FAAH2: variants seen among roughly 807,000 people sequenced by gnomAD.
The protein encoded by FAAH2 is fatty-acid amide hydrolase 2.
In FAAH2, 60 loss-of-function variants were observed where a neutral mutation model predicts 36.9. The observed-to-expected ratio is 1.63, with a 90% CI of 1.32 to 2.02. FAAH2 has a LOEUF of 2.02. Among genes scored for constraint, FAAH2 ranks in the 30% most tolerant of loss-of-function variants. The pLI is 0.00. For synonymous variants in FAAH2, 214 were observed against 143.8 expected (o/e 1.49, Z -3.49); for missense variants, 689 against 397.5 (o/e 1.73, Z -6.23).
chrX:57,408,922 G>A (rs183432533), intron 7 of FAAH2, among the ~76,000 whole-genome samples: 1 of 111,263 alleles, frequency 9.0e-6, no homozygotes, highest in African/African-American at 3.3e-5. Flanking sequence ...TACATTTGTA[G>A]AAATGCATTG....
chrX:57,454,909 C>T (rs905619036), intron 10 of FAAH2, among the ~76,000 whole-genome samples: 2 of 111,501 alleles, frequency 1.8e-5, no homozygotes, highest in South Asian at 3.8e-4. Flanking sequence ...TTTCCCCAAA[C>T]GTCCCAGGGA....
the FAAH2 span, among the ~76,000 whole-genome samples, chrX:57,159,413 C>T: frequency 4.6e-3 from 512 of 111,539 alleles, 2 homozygotes; most frequent in African/African-American, 0.016. Flanking sequence ...GGCATTGAAT[C>T]TATAAATTAC....
chrX:57,263,588 TA>T, the FAAH2 span, among the ~76,000 whole-genome samples: 1 of 111,869 alleles, frequency 8.9e-6, no homozygotes, highest in African/African-American at 3.2e-5. Flanking sequence ...CAACAGGTGA[TA>T]AAAAGTAAAT....
intron 7 of FAAH2, among the ~76,000 whole-genome samples, chrX:57,382,586 T>C (rs919990850): frequency 4.5e-5 from 5 of 111,579 alleles, no homozygotes; most frequent in Admixed American, 2.8e-4. Context: ...AAGAAATGGA[T>C]AAATTCCTGG....
the FAAH2 span, among the ~76,000 whole-genome samples, chrX:57,216,617 T>TAC: frequency 1.1e-5 from 1 of 88,806 alleles, no homozygotes; most frequent in East Asian, 3.5e-4. Flanking sequence ...TACGTATATA[T>TAC]ATATACGTAT....
intron 6 of FAAH2, among the ~76,000 whole-genome samples, chrX:57,379,313 A>G (rs2054773800): frequency 9.0e-6 from 1 of 111,388 alleles, no homozygotes; most frequent in South Asian, 3.8e-4. Flanking sequence ...TGCAATCTAT[A>G]TGTAACTTAC....
chrX:57,428,012 T>C (rs765322297), intron 7 of FAAH2, among the ~76,000 whole-genome samples: 13 of 111,822 alleles, frequency 1.2e-4, no homozygotes, highest in South Asian at 7.4e-4. Context: ...TTAAAGACTC[T>C]ACCCCAAAGA....
chrX:57,253,234 CA>C, the FAAH2 span, among the ~76,000 whole-genome samples: 37 of 100,037 alleles, frequency 3.7e-4, no homozygotes, highest in East Asian at 6.3e-4. Flanking sequence ...TGAAAAGAAA[CA>C]AAAAAAAAAG....
At chrX:57,428,966 A>G (rs1317340939) in intron 7 of FAAH2, among the ~76,000 whole-genome samples, 2 of 111,726 alleles carry the variant, frequency 1.8e-5, no homozygotes, top group Admixed American at 9.5e-5. Context: ...GGAATAAACT[A>G]TTTACAAACA....
At chrX:57,207,151 T>A in the FAAH2 span, among the ~76,000 whole-genome samples, 1 of 110,981 alleles carries the variant, frequency 9.0e-6, no homozygotes, top group Non-Finnish European at 1.9e-5. Flanking sequence ...TACCCCATTT[T>A]ATGCATCATA....
At chrX:57,435,070 A>G (rs966464459) in intron 8 of FAAH2, among the ~76,000 whole-genome samples, 13 of 112,050 alleles carry the variant, frequency 1.2e-4, no homozygotes, top group African/African-American at 4.2e-4. Context: ...CAGACAAGCA[A>G]TTGCTGAGGG....
chrX:57,463,845 C>A (rs1463180414), intron 10 of FAAH2, among the ~76,000 whole-genome samples: 2 of 111,668 alleles, frequency 1.8e-5, no homozygotes, highest in Non-Finnish European at 3.8e-5. Flanking sequence ...GGCAGTATGG[C>A]AATCCCTCAA....
chrX:57,159,813 A>C, the FAAH2 span, among the ~76,000 whole-genome samples: 6 of 111,596 alleles, frequency 5.4e-5, no homozygotes, highest in African/African-American at 2.0e-4. Context: ...CTCTTTTCCT[A>C]AATGAATGCC....
At chrX:57,184,439 C>A in the FAAH2 span, among the ~76,000 whole-genome samples, 1 of 112,238 alleles carries the variant, frequency 8.9e-6, no homozygotes, top group African/African-American at 3.2e-5. Flanking sequence ...AAATTCCTCT[C>A]TTTGTACTGT....
chrX:57,393,457 C>A lies in FAAH2; in HGVS notation c.996+12428C>A, dbSNP rs1410166257. On this transcript the variant is annotated intron_variant, in intron 7 of 10. Transcript: ENST00000374900. ...CAAATCCCGCCTCCGTCACTACAAA[C>A]CCTTCTGGGCCAACAAGCTAGAGTG... 9 of 907,292 alleles carry A rather than the reference C, an allele frequency of 9.9e-6. No individual in the cohort carries two copies. The South Asian group carries it at 1.2e-4, about 12-fold the overall frequency. 74.8% of individuals were successfully genotyped at this position (907,292 alleles called of 1,213,427 possible).
chrX:57,424,112 G>T (rs1409402203), intron 7 of FAAH2, among the ~76,000 whole-genome samples: 3 of 111,869 alleles, frequency 2.7e-5, no homozygotes, highest in Non-Finnish European at 5.6e-5. Flanking sequence ...ACTACAATTG[G>T]CATTTGAGAA....
chrX:57,122,601 ATGT>A, the FAAH2 span, among the ~76,000 whole-genome samples: 2 of 112,546 alleles, frequency 1.8e-5, no homozygotes, highest in African/African-American at 6.5e-5. Flanking sequence ...TTGTATACTA[ATGT>A]TGTACCAGTA....
the FAAH2 span, among the ~76,000 whole-genome samples, chrX:57,257,400 G>GGAT: frequency 9.0e-6 from 1 of 111,278 alleles, no homozygotes; most frequent in Non-Finnish European, 1.9e-5. Context: ...GCAGGGACAT[G>GGAT]GATGAAGCTG....
chrX:57,217,694 T>C, the FAAH2 span, among the ~76,000 whole-genome samples: 2 of 112,283 alleles, frequency 1.8e-5, no homozygotes, highest in African/African-American at 3.2e-5. Context: ...CCTTATAGCA[T>C]AGTTTGAAAT....
Sources: allele counts gnomAD v4.1 joint callset (sites outside exome capture counted in the v4.1 genomes callset), GRCh38; gene constraint gnomAD v4.1.1; transcripts MANE v1.5; gene names NCBI Gene and HGNC (gene_info 2026-07-23, HGNC 2026-07-21).